KMT2C: variants seen among roughly 807,000 people sequenced by gnomAD.
KMT2C encodes the protein lysine methyltransferase 2C.
A neutral mutation model predicts 507.9 loss-of-function variants in KMT2C; 88 were observed. That is an observed-to-expected ratio of 0.17 (90% CI 0.15 to 0.21). The LOEUF is 0.21. Ranked by LOEUF, KMT2C falls within the 10% of genes least tolerant of loss-of-function variation. KMT2C has a pLI of 1.00. For missense variants in KMT2C, 4,954 were observed against 5,957.8 expected, an observed-to-expected ratio of 0.83 and a Z score of 5.55; for synonymous variants, 2,049 against 2,080.8, an observed-to-expected ratio of 0.98 and a Z score of 0.42.
At chr7:152,205,697 CTTTAT>C (rs1231179300) in intron 24 of KMT2C, among the ~76,000 whole-genome samples, 1 of 152,166 alleles carries the variant, frequency 6.6e-6, no homozygotes, top group Non-Finnish European at 1.5e-5. Context: ...AGCACAATTA[CTTTAT>C]TTTTTTAAAT....
Position 152,367,437 on chromosome 7 carries a change from G to A in KMT2C, c.162-8762C>T, listed in dbSNP as rs796356712. The A allele has an allele frequency of 9.7e-6, 7 of 721,386 alleles. No individual in the cohort carries two copies. The African/African-American group carries it at 1.0e-4, about 11-fold the overall frequency. 44.7% of individuals were successfully genotyped at this position (721,386 alleles called of 1,614,324 possible). A position where few individuals can be genotyped will look rare whatever the true frequency, so the allele number is the denominator to read the frequency against. ...CTCGCCTTATTTCGCAGGCTGGTCTGGAACTCCTGAGCTCAAACAATCTAC... is the reference window on the plus strand; with the variant it reads ...CTCGCCTTATTTCGCAGGCTGGTCTAGAACTCCTGAGCTCAAACAATCTAC... On this transcript the variant is annotated intron_variant, in intron 1 of 58. Transcript: ENST00000262189.
intron 7 of KMT2C, among the ~76,000 whole-genome samples, chr7:152,270,717 G>T (rs376925816): frequency 6.6e-6 from 1 of 152,086 alleles, no homozygotes; most frequent in African/African-American, 2.4e-5. Context: ...ATATCTGGTT[G>T]TATCTACTAG....
At position 152,176,458 on chromosome 7, in the gene KMT2C, T is replaced by G. The variant is rs546186900; in HGVS notation, c.8995A>C (p.Thr2999Pro). 4.3e-6 allele frequency: 7 copies of G among 1,614,044 alleles called. No individual in the cohort carries two copies. Among genetic ancestry groups the G allele is most frequent in the Non-Finnish European group, 5.9e-6 (7 of 1,180,032 alleles). Residue 2999 changes from threonine (T) to proline (P), a missense_variant, in exon 38 of 59, where the codon ACA becomes CCA. This residue lies in a region of KMT2C where 1,689 missense variants were observed against 1,654.3 expected (regional missense o/e 1.02). Coordinates refer to ENST00000262189, the MANE Select transcript of KMT2C (RefSeq NM_170606.3). ...VNPGLIPGQSTVNHSLGTGKP... is the reference protein window; with the variant it reads ...VNPGLIPGQSPVNHSLGTGKP... ...CCTGTCCCCAGACTGTGGTTAACTG[T>G]TGATTGACCTGGAATGAGCCCTGGG... is the stretch of plus-strand genomic sequence containing the variant.
chr7:152,267,484 C>G (rs1319450577), intron 7 of KMT2C, among the ~76,000 whole-genome samples: 1 of 152,214 alleles, frequency 6.6e-6, no homozygotes, highest in African/African-American at 2.4e-5. Flanking sequence ...TATTAAACTT[C>G]CTACACATCA....
At chr7:152,224,339 T>C (rs902919187) in intron 19 of KMT2C, 96 bp downstream of exon 19, 4 of 1,328,712 alleles carry the variant, frequency 3.0e-6, no homozygotes, top group Admixed American at 2.0e-5. Context: ...ATGTGTATTA[T>C]TCAATTAAAT....
At chr7:152,316,572 CCTT>C (rs1308867808) in intron 3 of KMT2C, among the ~76,000 whole-genome samples, 1 of 152,070 alleles carries the variant, frequency 6.6e-6, no homozygotes, top group African/African-American at 2.4e-5. Context: ...CCCAAATCCT[CCTT>C]CTTGGGCATT....
At position 152,227,337 on chromosome 7, in the gene KMT2C, T is replaced by C. The variant is rs188033713; in HGVS notation, c.2976+2586A>G. On this transcript the variant is annotated intron_variant, in intron 18 of 58. Coordinates refer to ENST00000262189, the MANE Select transcript of KMT2C (RefSeq NM_170606.3). ...TTTCAAATAAGATGTCATCCAGGAT[T>C]CCATCCATGGTACCATGTCCAAAGT... Among the ~76,000 whole-genome samples, 58 of 152,328 alleles carry C rather than the reference T, an allele frequency of 3.8e-4. No individual in the cohort carries two copies. The East Asian group carries it at 0.011, about 28-fold the overall frequency.
chr7:152,289,420 C>T (rs202072474), intron 6 of KMT2C, among the ~76,000 whole-genome samples: 5 of 152,028 alleles, frequency 3.3e-5, no homozygotes, highest in South Asian at 4.2e-4. Context: ...TGTGACAAAA[C>T]GAGAAATAAA....
At chr7:152,201,616 TGAAAAA>T in intron 26 of KMT2C, among the ~76,000 whole-genome samples, 1 of 10,684 alleles carries the variant, frequency 9.4e-5, no homozygotes, top group South Asian at 1.7e-3. Flanking sequence ...ACAACAAAGA[TGAAAAA>T]AAAAAAAAAA....
chr7:152,364,766 C>T (rs1335071310), intron 1 of KMT2C, among the ~76,000 whole-genome samples: 2 of 151,998 alleles, frequency 1.3e-5, no homozygotes, highest in Non-Finnish European at 2.9e-5. Context: ...GACAACACAG[C>T]TACAGTGCCC....
At chr7:152,187,660 T>C in intron 32 of KMT2C, 55 bp downstream of exon 32, 4 of 1,572,562 alleles carry the variant, frequency 2.5e-6, no homozygotes, top group Non-Finnish European at 3.5e-6. Flanking sequence ...AATTTATATA[T>C]AAATCAAACA....
At chr7:152,203,893 T>C (rs1211412292) in intron 25 of KMT2C, among the ~76,000 whole-genome samples, 1 of 151,922 alleles carries the variant, frequency 6.6e-6, no homozygotes, top group Non-Finnish European at 1.5e-5. Context: ...TTAAGATAAA[T>C]AAGGAACCAC....
In KMT2C at chr7:152,163,278, C is replaced by G; in HGVS notation, c.10299G>C (p.Gln3433His). The change falls in exon 43 of 59, where the codon CAG becomes CAC. Residue 3433 changes from glutamine to histidine, a missense_variant. Gln to His is a conservative substitution (Grantham distance 24). Coordinates refer to ENST00000262189, the MANE Select transcript of KMT2C (RefSeq NM_170606.3). ...RALQQRMEME[Q>H]HGMVGSEISS... ...TTATCTCAGAGCCCACCATACCATG[C>G]TGCTCCATTTCCATCCTCTGCTGCA... 6.2e-7 allele frequency: 1 copy of G among 1,614,202 alleles called. No individual in the cohort carries two copies. The highest frequency in any genetic ancestry group is 8.5e-7 in the Non-Finnish European group (1 of 1,180,034).
chr7:152,161,730 T>C (rs1000834615), intron 43 of KMT2C, among the ~76,000 whole-genome samples: 2 of 152,170 alleles, frequency 1.3e-5, no homozygotes, highest in Admixed American at 6.5e-5. Flanking sequence ...AGGGTATTAA[T>C]AGGGGTGCAT....
At position 152,238,821 on chromosome 7, in the gene KMT2C, A is replaced by C; in HGVS notation, c.2538T>G (p.Ala846=). ...SPGRPRSKQG[A]WSTHNTVSPP... ...GGCTCACTGTATTATGGGTACTCCA[A>C]GCCCCCTAGGATATGGCAGTTGAGA... The change falls in exon 15 of 59, where the codon GCT becomes GCG. Residue 846 remains alanine, a synonymous_variant. Transcript: ENST00000262189. 6.2e-7 allele frequency: 1 copy of C among 1,601,232 alleles called. No homozygotes were observed. The highest frequency in any genetic ancestry group is 2.3e-5 in the East Asian group (1 of 43,956).
intron 48 of KMT2C, among the ~76,000 whole-genome samples, chr7:152,153,495 T>C (rs993011781): frequency 6.6e-6 from 1 of 152,244 alleles, no homozygotes; most frequent in Non-Finnish European, 1.5e-5. Context: ...TTTCTATTGC[T>C]TCTGCAAAAC....
intron 1 of KMT2C, among the ~76,000 whole-genome samples, chr7:152,406,356 G>T (rs541496526): frequency 2.0e-5 from 3 of 151,482 alleles, no homozygotes; most frequent in African/African-American, 4.9e-5. Context: ...TGAGGTAGGA[G>T]AATCATCTGA....
chr7:152,233,322 T>C (rs921515661), intron 16 of KMT2C, among the ~76,000 whole-genome samples: 1 of 152,100 alleles, frequency 6.6e-6, no homozygotes, highest in African/African-American at 2.4e-5. Context: ...CCTGCATAGA[T>C]AATAGTGTGA....
chr7:152,195,550 G>C (rs1293958062), intron 28 of KMT2C: 1 of 985,064 alleles, frequency 1.0e-6, no homozygotes, highest in Non-Finnish European at 1.2e-6. Flanking sequence ...TCTCAACCTG[G>C]AAAGTGCATA....
Sources: allele counts gnomAD v4.1 joint callset (sites outside exome capture counted in the v4.1 genomes callset), GRCh38; gene constraint gnomAD v4.1.1; regional missense constraint gnomAD v4.1.1; transcripts MANE v1.5; gene names NCBI Gene and HGNC (gene_info 2026-07-23, HGNC 2026-07-21).